Variants in MSRA observed in about 807,000 individuals in gnomAD.
The protein encoded by MSRA is mitochondrial peptide methionine sulfoxide reductase.
Under a neutral mutation model 31.3 loss-of-function variants are expected in MSRA, and 54 were observed. The observed-to-expected ratio is 1.73, with a 90% CI of 1.39 to 2.17. The LOEUF is 2.17. MSRA is among the 30% of genes most tolerant of loss of function. The pLI is 0.00. For missense variants in MSRA, 507 were observed against 300.9 expected, an observed-to-expected ratio of 1.69 and a Z score of -5.07; for synonymous variants, 169 against 116.5, an observed-to-expected ratio of 1.45 and a Z score of -2.90.
chr8:10,227,008 G>A (rs528134226), intron 2 of MSRA, among the ~76,000 whole-genome samples: 59 of 152,288 alleles, frequency 3.9e-4, no homozygotes, highest in Middle Eastern at 3.4e-3. Flanking sequence ...GGGCTTCCAC[G>A]AGCAGAGGTC....
At chr8:10,216,139 C>T (rs1280275721) in intron 2 of MSRA, among the ~76,000 whole-genome samples, 1 of 152,076 alleles carries the variant, frequency 6.6e-6, no homozygotes, top group Non-Finnish European at 1.5e-5. Context: ...TTTTCTTGTT[C>T]TCATTCTCCC....
At chr8:10,109,575 C>G (rs1800132711) in intron 1 of MSRA, among the ~76,000 whole-genome samples, 1 of 152,148 alleles carries the variant, frequency 6.6e-6, no homozygotes, top group African/African-American at 2.4e-5. Flanking sequence ...TTCCTGAACT[C>G]AAGTGATCTA....
At chr8:10,326,341 C>G (rs1205374332) in intron 5 of MSRA, 1 of 152,218 alleles carries the variant, frequency 6.6e-6, no homozygotes, top group Non-Finnish European at 1.5e-5. Context: ...GCTGAGGAGC[C>G]AGAAACCAAA....
intron 1 of MSRA, among the ~76,000 whole-genome samples, chr8:10,087,945 G>A (rs747151973): frequency 2.6e-5 from 4 of 152,070 alleles, no homozygotes; most frequent in Admixed American, 6.6e-5. Flanking sequence ...AAGTAATTGC[G>A]GTTTTTGCCA....
At chr8:10,122,871 C>G (rs930746372) in intron 1 of MSRA, among the ~76,000 whole-genome samples, 2 of 152,172 alleles carry the variant, frequency 1.3e-5, no homozygotes, top group African/African-American at 4.8e-5. Context: ...TGATGTCGTT[C>G]TTTTTTATGG....
At chr8:10,223,210 A>C (rs1363817807) in intron 2 of MSRA, among the ~76,000 whole-genome samples, 1 of 152,172 alleles carries the variant, frequency 6.6e-6, no homozygotes, top group Non-Finnish European at 1.5e-5. Flanking sequence ...TTTTAGATAG[A>C]ATGGTTTGAT....
chr8:10,374,834 C>A (rs916683414), intron 5 of MSRA, among the ~76,000 whole-genome samples: 2 of 152,252 alleles, frequency 1.3e-5, no homozygotes, highest in South Asian at 4.2e-4. Context: ...GACATTGGCT[C>A]GTGGAGGCAG....
At chr8:10,105,996 A>T (rs914753574) in intron 1 of MSRA, among the ~76,000 whole-genome samples, 6 of 152,236 alleles carry the variant, frequency 3.9e-5, no homozygotes, top group African/African-American at 1.4e-4. Flanking sequence ...TAGTAATTAT[A>T]CATCTGTTTT....
chr8:10,140,302 G>C (rs556388209), intron 1 of MSRA, among the ~76,000 whole-genome samples: 1 of 152,342 alleles, frequency 6.6e-6, no homozygotes, highest in East Asian at 1.9e-4. Flanking sequence ...TGCCATAGGG[G>C]AGAAGGGCAG....
chr8:10,249,154 C>G lies in MSRA; in HGVS notation c.331+3931C>G, dbSNP rs1010148052. Among the ~76,000 whole-genome samples the G allele has an allele frequency of 3.9e-5, 6 of 152,292 alleles. No homozygotes were observed. The South Asian group carries it at 1.2e-3, about 32-fold the overall frequency. ...TGTATCACTAACCTCGTGTTCTGAT[C>G]CATACTCTGTAAAACTTTCTAATCT... On this transcript the variant is annotated intron_variant, in intron 3 of 5. Coordinates refer to ENST00000317173, the MANE Select transcript of MSRA (RefSeq NM_012331.5).
intron 1 of MSRA, among the ~76,000 whole-genome samples, chr8:10,111,746 C>A (rs966245565): frequency 6.6e-6 from 1 of 152,168 alleles, no homozygotes; most frequent in Non-Finnish European, 1.5e-5. Context: ...GATTGAATAT[C>A]AGTTTTTAGA....
At chr8:10,367,200 A>G (rs894445161) in intron 5 of MSRA, among the ~76,000 whole-genome samples, 1 of 152,120 alleles carries the variant, frequency 6.6e-6, no homozygotes, top group Non-Finnish European at 1.5e-5. Flanking sequence ...TAGTCACTTA[A>G]AGACATCTTG....
chr8:10,091,061 A>T (rs538092372), intron 1 of MSRA, among the ~76,000 whole-genome samples: 1 of 152,328 alleles, frequency 6.6e-6, no homozygotes, highest in South Asian at 2.1e-4. Flanking sequence ...ACATGGTTCT[A>T]TTAATATGGT....
rs191101209 is a variant in MSRA, at chr8:10,120,029, A to G, written c.142+65371A>G. Among the ~76,000 whole-genome samples the G allele has an allele frequency of 6.6e-5, 10 of 152,278 alleles. No homozygotes were observed. In the East Asian group the frequency reaches 1.7e-3, roughly 26 times the overall value. On this transcript the variant is annotated intron_variant, in intron 1 of 5. Coordinates refer to ENST00000317173, the MANE Select transcript of MSRA (RefSeq NM_012331.5). ...TCGCCCTGTAGGAATTGTGCCCTTTAGTAGAGGAACTCAGCCACTGCCAAA... is the reference window on the plus strand; with the variant it reads ...TCGCCCTGTAGGAATTGTGCCCTTTGGTAGAGGAACTCAGCCACTGCCAAA...
intron 1 of MSRA, among the ~76,000 whole-genome samples, chr8:10,055,024 T>G (rs1802256459): frequency 6.6e-6 from 1 of 152,206 alleles, no homozygotes; most frequent in Non-Finnish European, 1.5e-5. Context: ...GCCTGCGCCC[T>G]CCTTTCTTGT....
intron 4 of MSRA, among the ~76,000 whole-genome samples, chr8:10,311,890 C>CT (rs1268611510): frequency 1.6e-4 from 24 of 152,242 alleles, no homozygotes; most frequent in African/African-American, 5.5e-4. Flanking sequence ...GCACACCAGC[C>CT]TGGGCAACAG....
At chr8:10,408,446 G>T (rs962429878) in intron 5 of MSRA, among the ~76,000 whole-genome samples, 4 of 152,126 alleles carry the variant, frequency 2.6e-5, no homozygotes, top group Admixed American at 1.3e-4. Flanking sequence ...AGAGGCTGAG[G>T]CAGAGGGATC....
chr8:10,193,748 C>T lies in MSRA; in HGVS notation c.143-14085C>T, dbSNP rs185102946. Among the ~76,000 whole-genome samples the T allele has an allele frequency of 1.7e-4, 26 of 152,238 alleles. No homozygotes were observed. The South Asian group carries it at 2.3e-3, about 13-fold the overall frequency. On this transcript the variant is annotated intron_variant, in intron 1 of 5. Coordinates refer to ENST00000317173, the MANE Select transcript of MSRA (RefSeq NM_012331.5). ...CATTATGTTTCTTAATATGAATATG[C>T]GCTGGGTTATCCAACTTCCCTTAAT...
intron 1 of MSRA, among the ~76,000 whole-genome samples, chr8:10,074,993 GTT>G (rs956085113): frequency 1.4e-4 from 21 of 152,220 alleles, no homozygotes; most frequent in African/African-American, 4.8e-4. Flanking sequence ...CCATGCTTCT[GTT>G]TACCCATTAC....
Sources: allele counts gnomAD v4.1 joint callset (sites outside exome capture counted in the v4.1 genomes callset), GRCh38; gene constraint gnomAD v4.1.1; transcripts MANE v1.5; gene names NCBI Gene and HGNC (gene_info 2026-07-23, HGNC 2026-07-21).